Variants in FBXL17 observed in about 807,000 individuals in gnomAD.
FBXL17 encodes F-box and leucine rich repeat protein 17.
In FBXL17, 22 loss-of-function variants were observed where a neutral mutation model predicts 66.2. The ratio of observed to expected loss-of-function variants is 0.33; its 90% CI spans 0.24 to 0.47. FBXL17 has a LOEUF of 0.47. Among genes scored for constraint, FBXL17 ranks in the 20% least tolerant of loss-of-function variants. The pLI, the probability that FBXL17 is intolerant of heterozygous loss-of-function variation, is 1.00. For missense variants in FBXL17, 878 were observed against 948.2 expected, an observed-to-expected ratio of 0.93 and a Z score of 0.97; for synonymous variants, 474 against 400.5, an observed-to-expected ratio of 1.18 and a Z score of -2.19.
chr5:108,354,626 C>A (rs1254225816), intron 3 of FBXL17, among the ~76,000 whole-genome samples: 1 of 150,702 alleles, frequency 6.6e-6, no homozygotes, highest in Non-Finnish European at 1.5e-5. Context: ...ACTACAGACC[C>A]AAGAAGTTCA....
chr5:108,117,146 T>C (rs1750290407), intron 6 of FBXL17, among the ~76,000 whole-genome samples: 1 of 152,218 alleles, frequency 6.6e-6, no homozygotes, highest in Admixed American at 6.5e-5. Flanking sequence ...ACTAAGTTTA[T>C]ATACAGTGTT....
At chr5:107,941,549 G>C (rs147027324) in intron 7 of FBXL17, among the ~76,000 whole-genome samples, 40 of 152,254 alleles carry the variant, frequency 2.6e-4, no homozygotes, top group Middle Eastern at 3.4e-3. Context: ...AGACACCTTA[G>C]CTCATGTAAA....
At chr5:108,321,076 A>G (rs191390305) in intron 4 of FBXL17, among the ~76,000 whole-genome samples, 7 of 151,828 alleles carry the variant, frequency 4.6e-5, no homozygotes, top group Non-Finnish European at 8.8e-5. Flanking sequence ...ATAGATGCTT[A>G]TAAGAAATTA....
intron 7 of FBXL17, among the ~76,000 whole-genome samples, chr5:108,006,958 G>T (rs1753949550): frequency 6.6e-6 from 1 of 152,170 alleles, no homozygotes; most frequent in Non-Finnish European, 1.5e-5. Flanking sequence ...ATGGAATTTT[G>T]AAGACATCAG....
intron 4 of FBXL17, among the ~76,000 whole-genome samples, chr5:108,282,217 A>G (rs1268162688): frequency 6.6e-6 from 1 of 151,818 alleles, no homozygotes; most frequent in Non-Finnish European, 1.5e-5. Context: ...GACACAACAT[A>G]ACAAGAAAAC....
At chr5:108,186,652 C>T (rs1347620584) in intron 5 of FBXL17, among the ~76,000 whole-genome samples, 3 of 151,908 alleles carry the variant, frequency 2.0e-5, no homozygotes, top group Admixed American at 2.0e-4. Flanking sequence ...TCCCTGTAAT[C>T]CCAGCTACTT....
intron 6 of FBXL17, among the ~76,000 whole-genome samples, chr5:108,078,836 C>T (rs1353189153): frequency 2.0e-5 from 3 of 152,154 alleles, no homozygotes; most frequent in Non-Finnish European, 4.4e-5. Flanking sequence ...TACTCCACTA[C>T]GGGGTTAGGT....
chr5:108,127,779 C>T (rs1750779368), intron 6 of FBXL17, among the ~76,000 whole-genome samples: 1 of 152,024 alleles, frequency 6.6e-6, no homozygotes, highest in South Asian at 2.1e-4. Context: ...TGAAATTAAT[C>T]TAATAAAAAA....
intron 7 of FBXL17, among the ~76,000 whole-genome samples, chr5:107,881,896 T>C (rs556430048): frequency 1.3e-5 from 2 of 152,316 alleles, no homozygotes; most frequent in Non-Finnish European, 2.9e-5. Flanking sequence ...CTGTTTAGCA[T>C]TGTACCACCA....
chr5:107,919,561 C>G lies in FBXL17; in HGVS notation c.1823-38382G>C, dbSNP rs1392458933. Among the ~76,000 whole-genome samples the G allele has an allele frequency of 2.0e-5, 3 of 152,170 alleles. No homozygotes were observed. In the East Asian group the frequency reaches 5.8e-4, roughly 29 times the overall value. On this transcript the variant is annotated intron_variant, in intron 7 of 8. Transcript: ENST00000542267. ...CTTTTACCTCCAGATCTCAACTCTACTGCTCTCGCTCTTGCTCACTCCACT... is the reference window on the plus strand; with the variant it reads ...CTTTTACCTCCAGATCTCAACTCTAGTGCTCTCGCTCTTGCTCACTCCACT...
chr5:107,873,178 T>C (rs891810120), intron 8 of FBXL17, among the ~76,000 whole-genome samples: 1 of 152,260 alleles, frequency 6.6e-6, no homozygotes, highest in South Asian at 2.1e-4. Flanking sequence ...AGCTGAAAGC[T>C]GATGTAGGAT....
At chr5:108,353,408 A>C (rs1747769577) in intron 3 of FBXL17, among the ~76,000 whole-genome samples, 1 of 152,182 alleles carries the variant, frequency 6.6e-6, no homozygotes, top group Non-Finnish European at 1.5e-5. Flanking sequence ...ATAATTAAAA[A>C]TTCCAGGGGG....
chr5:107,894,051 T>C (rs1749293463), intron 7 of FBXL17, among the ~76,000 whole-genome samples: 1 of 152,206 alleles, frequency 6.6e-6, no homozygotes. Context: ...GATTTTTCCC[T>C]AGGAGTTGAT....
chr5:108,204,170 C>T (rs1372828343), intron 5 of FBXL17, among the ~76,000 whole-genome samples: 1 of 151,898 alleles, frequency 6.6e-6, no homozygotes, highest in Non-Finnish European at 1.5e-5. Context: ...AATTCTCTAC[C>T]ATCTTAATAG....
intron 4 of FBXL17, among the ~76,000 whole-genome samples, chr5:108,276,646 T>C (rs2150144544): frequency 6.6e-6 from 1 of 152,212 alleles, no homozygotes; most frequent in South Asian, 2.1e-4. Context: ...ACAAGTCAAA[T>C]ACAACACTAT....
intron 7 of FBXL17, among the ~76,000 whole-genome samples, chr5:107,939,061 C>T (rs1021417603): frequency 6.6e-6 from 1 of 152,084 alleles, no homozygotes; most frequent in African/African-American, 2.4e-5. Flanking sequence ...AACCAACATT[C>T]CTGACTATGT....
At chr5:108,298,671 A>G in intron 4 of FBXL17, 1 of 837,162 alleles carries the variant, frequency 1.2e-6, no homozygotes, top group African/African-American at 1.9e-5. Flanking sequence ...ATAGTAATAT[A>G]CTATCTTCCT....
chr5:108,116,436 G>A (rs6890052), intron 6 of FBXL17, among the ~76,000 whole-genome samples: 20,809 of 150,866 alleles, frequency 0.14, 1,508 homozygotes, highest in Admixed American at 0.17. Context: ...TCAAGAGATC[G>A]AGACTGTCCT....
chr5:108,206,369 C>T (rs1012655286), intron 5 of FBXL17, among the ~76,000 whole-genome samples: 2 of 152,126 alleles, frequency 1.3e-5, no homozygotes, highest in Non-Finnish European at 2.9e-5. Context: ...TCTTTAAAAA[C>T]ATCTTTACTG....
Sources: gnomAD v4.1 joint callset for allele counts (sites outside exome capture counted in the v4.1 genomes callset) on GRCh38, gnomAD v4.1.1 for gene constraint, MANE v1.5 for transcripts, NCBI Gene and HGNC (gene_info 2026-07-23, HGNC 2026-07-21) for gene names.